Variants in RNF216 observed in about 807,000 individuals in gnomAD.
RNF216 encodes ring finger protein 216, also known as E3 ubiquitin-protein ligase RNF216.
RNF216 carries 72 observed loss-of-function variants against 110.8 expected under a neutral mutation model. The observed-to-expected ratio is 0.65, with a 90% CI of 0.54 to 0.79. The LOEUF is 0.79. Among genes scored for constraint, RNF216 ranks in the 30% least tolerant of loss-of-function variants. The pLI is 0.00. For synonymous variants in RNF216, 495 were observed against 407.5 expected (o/e 1.21, Z -2.59); for missense variants, 1,342 against 1,141.2 (o/e 1.18, Z -2.54).
rs2128552841 is a variant in RNF216, at chr7:5,620,177, A to G, written c.*2683T>C. On this transcript the variant is annotated 3_prime_UTR_variant, in exon 17 of 17. Coordinates refer to ENST00000389902, the MANE Select transcript of RNF216 (RefSeq NM_207111.4). The stretch of plus-strand genomic sequence containing the variant: ...AGAAGGTAAAGAAAAAGTTTAATGA[A>G]CTAATCGTTTCTTGTTTTTATACAA... The G allele has an allele frequency of 6.6e-6, 1 of 152,382 alleles. No homozygotes were observed. The highest frequency in any genetic ancestry group is 1.5e-5 in the Non-Finnish European group (1 of 68,028). 9.4% of individuals were successfully genotyped at this position (152,382 alleles called of 1,614,324 possible).
At chr7:5,765,597 T>G (rs1584604931) in intron 1 of RNF216, among the ~76,000 whole-genome samples, 1 of 151,544 alleles carries the variant, frequency 6.6e-6, no homozygotes, top group African/African-American at 2.4e-5. Context: ...GCCACTGCAC[T>G]CCAGCCAGGG....
rs147458267 is a variant in RNF216, at chr7:5,728,944, A to G, written c.1389+488T>C. ...CAAACCAGCACCCTCCTCACCCTCAACCAAGGCCTTTAAGTGCCATCTATT... is the reference window on the plus strand; with the variant it reads ...CAAACCAGCACCCTCCTCACCCTCAGCCAAGGCCTTTAAGTGCCATCTATT... On this transcript the variant is annotated intron_variant, in intron 7 of 16. Transcript: ENST00000389902. Among the ~76,000 whole-genome samples, 512 of 152,250 alleles carry G rather than the reference A, an allele frequency of 3.4e-3. 1 individual carries two copies. Among genetic ancestry groups the G allele is most frequent in the African/African-American group, 0.012 (479 of 41,558 alleles).
At chr7:5,759,632 TC>T (rs1795826707) in intron 2 of RNF216, among the ~76,000 whole-genome samples, 1 of 20,810 alleles carries the variant, frequency 4.8e-5, no homozygotes, top group Non-Finnish European at 9.7e-5. Context: ...TCATTTTTCT[TC>T]TTTTTTTTTT....
intron 1 of RNF216, among the ~76,000 whole-genome samples, chr7:5,772,224 A>C (rs941436716): frequency 2.6e-5 from 4 of 152,124 alleles, no homozygotes; most frequent in Non-Finnish European, 5.9e-5. Flanking sequence ...CAAGAGTGAA[A>C]CTCCGTCCCA....
rs1475602452 is a variant in RNF216, at chr7:5,781,609, G to A, written c.-138C>T. The A allele has an allele frequency of 1.1e-4, 16 of 152,310 alleles. No homozygotes were observed. Among genetic ancestry groups the A allele is most frequent in the Admixed American group, 9.2e-4 (14 of 15,294 alleles). The allele number at this position is 152,310 out of a possible 1,614,324, so 9.4% of individuals were successfully genotyped here. ...TCGCTACCGCGCCGCTTACTCCTCAGAAGCCGCAGCTGCGAGCTCCGTGGC... is the reference window on the plus strand; with the variant it reads ...TCGCTACCGCGCCGCTTACTCCTCAAAAGCCGCAGCTGCGAGCTCCGTGGC... On this transcript the variant is annotated 5_prime_UTR_variant, in exon 1 of 17. Transcript: ENST00000389902.
chr7:5,757,821 C>T (rs1795725068), intron 2 of RNF216, among the ~76,000 whole-genome samples: 1 of 152,076 alleles, frequency 6.6e-6, no homozygotes, highest in Non-Finnish European at 1.5e-5. Context: ...TCATTTTATA[C>T]ACTTTTAACA....
chr7:5,662,376 T>C (rs1275961999), intron 13 of RNF216: 1 of 152,174 alleles, frequency 6.6e-6, no homozygotes, highest in Non-Finnish European at 1.5e-5. Flanking sequence ...CATGAAAGTG[T>C]TCCATAGTCA....
chr7:5,773,427 G>C (rs1462128449), intron 1 of RNF216, among the ~76,000 whole-genome samples: 1 of 151,964 alleles, frequency 6.6e-6, no homozygotes, highest in African/African-American at 2.4e-5. Flanking sequence ...ATTTTTAGTA[G>C]AGACAATGTT....
chr7:5,705,166 C>G (rs1391343623), intron 13 of RNF216, among the ~76,000 whole-genome samples: 1 of 152,146 alleles, frequency 6.6e-6, no homozygotes, highest in African/African-American at 2.4e-5. Context: ...GTTACTGACC[C>G]GGATCACTGA....
chr7:5,717,622 A>G (rs1010894355), intron 9 of RNF216, among the ~76,000 whole-genome samples: 3 of 152,180 alleles, frequency 2.0e-5, no homozygotes, highest in African/African-American at 7.2e-5. Flanking sequence ...ACATCCATCA[A>G]TAGGGGAATG....
chr7:5,712,855 G>A lies in RNF216; in HGVS notation c.1842C>T (p.Leu614=), dbSNP rs1792804356. Reference sequence around the variant, plus strand: ...ACGTGCAGCTGCCTTCCATGCAGCTGAGCTCCAACTAGAAAAAGGCGAAAA... The same window carrying A: ...ACGTGCAGCTGCCTTCCATGCAGCTAAGCTCCAACTAGAAAAAGGCGAAAA... ...EAVFGSGKLE[L]SCMEGSCTCS... Residue 614 remains leucine, a synonymous_variant, in exon 12 of 17, where the codon CTC becomes CTT. Coordinates refer to ENST00000389902, the MANE Select transcript of RNF216 (RefSeq NM_207111.4). 2 of 1,606,418 alleles carry A rather than the reference G, an allele frequency of 1.2e-6. No individual in the cohort carries two copies. Among genetic ancestry groups the A allele is most frequent in the African/African-American group, 1.3e-5 (1 of 74,430 alleles).
chr7:5,656,266 CACAA>C (rs763331679), intron 13 of RNF216, among the ~76,000 whole-genome samples: 41 of 152,280 alleles, frequency 2.7e-4, no homozygotes, highest in African/African-American at 8.2e-4. Context: ...AAGATTCAGT[CACAA>C]ACAAACAAAC....
At chr7:5,780,103 A>G (rs146453348) in intron 1 of RNF216, 1 of 152,172 alleles carries the variant, frequency 6.6e-6, no homozygotes, top group African/African-American at 2.4e-5. Flanking sequence ...CCTAACCTCT[A>G]AAACAATGCC....
In RNF216 at chr7:5,652,434, T is replaced by C; in HGVS notation, c.2138A>G (p.Asp713Gly). The stretch of plus-strand genomic sequence containing the variant: ...TCACATAGAGGTACGGTACTTGATG[T>C]CGTCTTTTTCAGCCAGCTCTTCACA... The part of the protein sequence containing the change: ...LTCEELAEKD[D>G]IKYRTSIEEK... Residue 713 changes from aspartate to glycine, a missense_variant, in exon 14 of 17, where the codon GAC becomes GGC. Transcript: ENST00000389902. 1.2e-6 allele frequency: 2 copies of C among 1,613,148 alleles called. No homozygotes were observed. The highest frequency in any genetic ancestry group is 1.7e-6 in the Non-Finnish European group (2 of 1,179,124).
intron 2 of RNF216, among the ~76,000 whole-genome samples, chr7:5,754,324 TA>T (rs1263125870): frequency 2.0e-5 from 3 of 151,020 alleles, no homozygotes; most frequent in East Asian, 3.9e-4. Flanking sequence ...AACAGTTACT[TA>T]AAAAAAAAAT....
intron 3 of RNF216, among the ~76,000 whole-genome samples, chr7:5,742,505 C>G (rs574373437): frequency 1.3e-5 from 2 of 148,530 alleles, no homozygotes; most frequent in South Asian, 2.1e-4. Flanking sequence ...AAAATTAAAA[C>G]AAGACAGTAT....
intron 1 of RNF216, among the ~76,000 whole-genome samples, chr7:5,762,217 T>C (rs1584597356): frequency 6.6e-6 from 1 of 152,206 alleles, no homozygotes; most frequent in East Asian, 1.9e-4. Flanking sequence ...ATACATTAAA[T>C]TTAAATATTA....
At chr7:5,754,464 T>C (rs777201071) in intron 2 of RNF216, among the ~76,000 whole-genome samples, 2 of 151,952 alleles carry the variant, frequency 1.3e-5, no homozygotes, top group South Asian at 4.1e-4. Context: ...CATGCCTGAC[T>C]TAATTGTGGA....
chr7:5,660,655 G>A (rs532421983), intron 13 of RNF216, among the ~76,000 whole-genome samples: 1 of 152,010 alleles, frequency 6.6e-6, no homozygotes, highest in African/African-American at 2.4e-5. Flanking sequence ...TTGGCTCACT[G>A]CAGTCGCGAC....
Sources: gnomAD v4.1 joint callset for allele counts (sites outside exome capture counted in the v4.1 genomes callset) on GRCh38, gnomAD v4.1.1 for gene constraint, MANE v1.5 for transcripts, NCBI Gene and HGNC (gene_info 2026-07-23, HGNC 2026-07-21) for gene names.